APC: variants seen among roughly 807,000 people sequenced by gnomAD.
The protein encoded by APC is adenomatous polyposis coli protein.
In APC, 72 loss-of-function variants were observed where a neutral mutation model predicts 247.0. That is an observed-to-expected ratio of 0.29 (90% CI 0.24 to 0.35). APC has a LOEUF of 0.35. Among genes scored for constraint, APC ranks in the 10% least tolerant of loss-of-function variants. The pLI, the probability that APC is intolerant of heterozygous loss-of-function variation, is 1.00. For synonymous variants in APC, 1,254 were observed against 1,162.5 expected, an observed-to-expected ratio of 1.08 and a Z score of -1.60; for missense variants, 3,400 against 3,360.7, an observed-to-expected ratio of 1.01 and a Z score of -0.29.
rs564702514 is a variant in APC, at chr5:112,728,614, G to A, written c.165+20732G>A. Among the ~76,000 whole-genome samples, 5 of 148,216 alleles carry A rather than the reference G, an allele frequency of 3.4e-5. No homozygotes were observed. In the South Asian group the frequency reaches 1.1e-3, roughly 33 times the overall value. ...TTTTTCTAAATCTTTTGTTAATTGGGTAAAATGGTTGCCAGAGGTGATTGT... is the reference window on the plus strand; with the variant it reads ...TTTTTCTAAATCTTTTGTTAATTGGATAAAATGGTTGCCAGAGGTGATTGT... On this transcript the variant is annotated intron_variant, in intron 1 of 13. Coordinates refer to the APC transcript ENST00000507379.
chr5:112,737,148 T>C (rs1752441795), upstream of APC, among the ~76,000 whole-genome samples: 1 of 152,234 alleles, frequency 6.6e-6, no homozygotes, highest in Admixed American at 6.5e-5. Context: ...TTGTAGTAGC[T>C]AACAGCACTT....
At chr5:112,741,943 A>C (rs957171364) in intron 1 of APC, among the ~76,000 whole-genome samples, 1 of 152,212 alleles carries the variant, frequency 6.6e-6, no homozygotes. Context: ...TACTGTAGCC[A>C]TGTGTCAGAA....
intron 1 of APC, among the ~76,000 whole-genome samples, chr5:112,717,168 G>A (rs1463748132): frequency 1.3e-5 from 2 of 151,926 alleles, no homozygotes; most frequent in Non-Finnish European, 1.5e-5. Flanking sequence ...GTGCCACTAC[G>A]CCTGCCTAAT....
At chr5:112,807,448 G>A (rs1016361773) in intron 8 of APC, among the ~76,000 whole-genome samples, 2 of 151,368 alleles carry the variant, frequency 1.3e-5, no homozygotes, top group Non-Finnish European at 2.9e-5. Context: ...ACTTACTCTT[G>A]TCATTTAATA....
chr5:112,827,421 A>G (rs889004002), intron 12 of APC, among the ~76,000 whole-genome samples, 174 bp downstream of exon 12: 18 of 152,196 alleles, frequency 1.2e-4, no homozygotes, highest in Non-Finnish European at 1.9e-4. Context: ...CTTATGCCTA[A>G]ACAAAGGCAA....
upstream of APC, among the ~76,000 whole-genome samples, chr5:112,734,737 C>A (rs78036520): frequency 6.6e-6 from 1 of 150,998 alleles, no homozygotes; most frequent in Non-Finnish European, 1.5e-5. Context: ...TTAAATTAGG[C>A]CAAAAGTGCC....
chr5:112,808,016 G>A (rs1013932069), intron 8 of APC, among the ~76,000 whole-genome samples: 3 of 152,062 alleles, frequency 2.0e-5, no homozygotes, highest in Non-Finnish European at 4.4e-5. Context: ...TTAGCCAGAT[G>A]TGGTGGCGCA....
chr5:112,816,676 C>A (rs916292586), intron 9 of APC, among the ~76,000 whole-genome samples: 2 of 151,342 alleles, frequency 1.3e-5, no homozygotes, highest in African/African-American at 4.9e-5. Context: ...GGCTGTAATC[C>A]CAGCTACTCG....
upstream of APC, among the ~76,000 whole-genome samples, chr5:112,736,015 T>C (rs566315070): frequency 6.6e-6 from 1 of 152,306 alleles, no homozygotes; most frequent in African/African-American, 2.4e-5. Context: ...AAGAAGTTCT[T>C]TTGAGGACCT....
chr5:112,781,348 A>G (rs1014177258), intron 6 of APC, among the ~76,000 whole-genome samples: 58 of 152,352 alleles, frequency 3.8e-4, no homozygotes, highest in African/African-American at 1.4e-3. Flanking sequence ...AGTTGTATGG[A>G]GAACATTCCC....
chr5:112,785,113 T>G (rs2149659410), intron 6 of APC, among the ~76,000 whole-genome samples: 1 of 152,300 alleles, frequency 6.6e-6, no homozygotes, highest in East Asian at 1.9e-4. Context: ...ATCATTAATA[T>G]GTTTGAGTAG....
chr5:112,729,645 T>C (rs1263880222), intron 1 of APC, among the ~76,000 whole-genome samples: 1 of 152,240 alleles, frequency 6.6e-6, no homozygotes, highest in African/African-American at 2.4e-5. Flanking sequence ...AATGAACAGT[T>C]TGAAGTTTTT....
rs1554085281 is a variant in APC at position 112,839,349 on chromosome 5, C to A, written c.3755C>A (p.Ser1252Tyr). The change falls in exon 16 of 16, where the codon TCT (serine) becomes TAT (tyrosine). Residue 1252 changes from serine to tyrosine, a missense_variant. Coordinates refer to ENST00000257430, the MANE Select transcript of APC (RefSeq NM_000038.6). This position sits in a 1 kb window ranked among gnomAD's most constrained non-coding sequence, Gnocchi z 5.0. ...QPQKAATCKV[S>Y]SINQETIQTY... ...CAAAAGGCTGCCACTTGCAAAGTTT[C>A]TTCTATTAACCAAGAAACAATACAG... 1.2e-6 allele frequency: 2 copies of A among 1,613,140 alleles called. No homozygotes were observed. Among genetic ancestry groups the A allele is most frequent in the African/African-American group, 2.7e-5 (2 of 74,920 alleles).
At chr5:112,767,693 T>C (rs1417552069) in intron 4 of APC, among the ~76,000 whole-genome samples, 1 of 151,926 alleles carries the variant, frequency 6.6e-6, no homozygotes, top group African/African-American at 2.4e-5. Flanking sequence ...TGTAGTGGCA[T>C]GATCTCGGCT....
chr5:112,834,231 G>T (rs915454925), intron 14 of APC, among the ~76,000 whole-genome samples: 3 of 142,284 alleles, frequency 2.1e-5, no homozygotes, highest in Non-Finnish European at 3.0e-5. Flanking sequence ...GAGCCACCAC[G>T]TTGCGCCTTT....
intron 1 of APC, among the ~76,000 whole-genome samples, chr5:112,741,889 A>G (rs1354769470): frequency 6.6e-6 from 1 of 152,036 alleles, no homozygotes; most frequent in Non-Finnish European, 1.5e-5. Context: ...ATTCTTTTGC[A>G]CCTGGCTTAT....
At chr5:112,740,473 T>C (rs950740134) in intron 1 of APC, among the ~76,000 whole-genome samples, 5 of 151,962 alleles carry the variant, frequency 3.3e-5, no homozygotes, top group African/African-American at 9.7e-5. Flanking sequence ...CATAAATGTT[T>C]TATGAACTGA....
rs570992595 is a variant in APC, at chr5:112,835,307, T to C, written c.1958+142T>C. 6.8e-5 allele frequency: 52 copies of C among 762,440 alleles called. No individual in the cohort carries two copies. In the African/African-American group the frequency reaches 7.2e-4, roughly 10 times the overall value. 47.2% of individuals were successfully genotyped at this position (762,440 alleles called of 1,614,324 possible). ...CTGTGAAAAGATAACTACTAACTCT[T>C]AGTTTAACTCATTAGTGTACTTAAT... On this transcript the variant is annotated intron_variant, in intron 15 of 15. Transcript: ENST00000257430.
rs187276150 is a variant in APC, at chr5:112,740,159, A to G, written c.-19+2234A>G. The stretch of plus-strand genomic sequence containing the variant: ...TTGGTTGTGGATTTTTATCTACAAT[A>G]TAAGAATGCTTTAAAAAATACCTGG... On this transcript the variant is annotated intron_variant, in intron 1 of 15. Coordinates refer to ENST00000257430, the MANE Select transcript of APC (RefSeq NM_000038.6). Among the ~76,000 whole-genome samples the G allele has an allele frequency of 3.3e-5, 5 of 152,356 alleles. No individual in the cohort carries two copies. In the East Asian group the frequency reaches 9.6e-4, roughly 29 times the overall value.
Sources: allele counts gnomAD v4.1 joint callset (sites outside exome capture counted in the v4.1 genomes callset), GRCh38; gene constraint gnomAD v4.1.1; non-coding constraint Gnocchi (gnomAD v3.1); transcripts MANE v1.5; gene names NCBI Gene and HGNC (gene_info 2026-07-23, HGNC 2026-07-21).